The following PREP variants were observed in gnomAD, a reference collection of about 807,000 sequenced individuals.
The protein encoded by PREP is prolyl endopeptidase, also known as dJ355L5.1 (prolyl endopeptidase).
PREP carries 29 observed loss-of-function variants against 87.6 expected under a neutral mutation model. That is an observed-to-expected ratio of 0.33 (90% CI 0.25 to 0.45). PREP has a LOEUF of 0.45. Among genes scored for constraint, PREP ranks in the 20% least tolerant of loss-of-function variants. PREP has a pLI of 1.00. For synonymous variants in PREP, 337 were observed against 328.6 expected, an observed-to-expected ratio of 1.03 and a Z score of -0.28; for missense variants, 695 against 886.5, an observed-to-expected ratio of 0.78 and a Z score of 2.74.
intron 6 of PREP, among the ~76,000 whole-genome samples, chr6:105,367,525 T>A (rs1490760604): frequency 6.6e-6 from 1 of 151,834 alleles, no homozygotes; most frequent in Non-Finnish European, 1.5e-5. Context: ...TACAAAAATA[T>A]GCCGGGCGTA....
intron 2 of PREP, among the ~76,000 whole-genome samples, chr6:105,384,794 T>C (rs1415833384): frequency 6.6e-6 from 1 of 152,222 alleles, no homozygotes; most frequent in Non-Finnish European, 1.5e-5. Flanking sequence ...AAGACCCATC[T>C]TTCTCTGCCA....
chr6:105,277,894 A>G lies in PREP; in HGVS notation c.*250T>C. ...TGTTGCCATTTAGCTATTTATCCCA[A>G]CATGCCCTTAAAAAAAACACCAAAA... On this transcript the variant is annotated 3_prime_UTR_variant, in exon 15 of 15. Transcript: ENST00000652536. 1.8e-6 allele frequency: 1 copy of G among 545,264 alleles called. No individual in the cohort carries two copies. The highest frequency in any genetic ancestry group is 3.2e-6 in the Non-Finnish European group (1 of 309,360). 33.8% of individuals were successfully genotyped at this position (545,264 alleles called of 1,614,324 possible).
At chr6:105,347,883 G>A (rs1210535847) in intron 7 of PREP, among the ~76,000 whole-genome samples, 1 of 151,668 alleles carries the variant, frequency 6.6e-6, no homozygotes, top group Non-Finnish European at 1.5e-5. Context: ...AATAAAATAG[G>A]GTTATAGCAA....
intron 6 of PREP, among the ~76,000 whole-genome samples, chr6:105,361,193 C>A (rs910629894): frequency 6.6e-6 from 1 of 152,078 alleles, no homozygotes; most frequent in African/African-American, 2.4e-5. Context: ...TATTAAGAGA[C>A]AATTAACAGA....
intron 2 of PREP, among the ~76,000 whole-genome samples, chr6:105,393,312 A>G (rs1229356187): frequency 6.6e-6 from 1 of 152,172 alleles, no homozygotes; most frequent in Admixed American, 6.5e-5. Flanking sequence ...TAATTCTGAC[A>G]GTGCCTGGCG....
chr6:105,389,825 A>C (rs1420032627), intron 2 of PREP, among the ~76,000 whole-genome samples: 1 of 152,186 alleles, frequency 6.6e-6, no homozygotes, highest in African/African-American at 2.4e-5. Context: ...ACCGAAATTG[A>C]CACCAGAAAG....
intron 14 of PREP, chr6:105,281,516 G>A (rs895815992): frequency 1.5e-5 from 7 of 452,524 alleles, no homozygotes; most frequent in Non-Finnish European, 2.3e-5. Context: ...TAGGAATCTT[G>A]GGAGGCCATC....
intron 8 of PREP, among the ~76,000 whole-genome samples, chr6:105,329,404 C>T (rs1033030016): frequency 6.6e-6 from 1 of 152,154 alleles, no homozygotes; most frequent in Admixed American, 6.5e-5. Context: ...CTGCCCACCT[C>T]GGCCTCCCAA....
At chr6:105,402,181 C>G (rs992570063) in intron 1 of PREP, among the ~76,000 whole-genome samples, 2 of 152,146 alleles carry the variant, frequency 1.3e-5, no homozygotes, top group African/African-American at 4.8e-5. Flanking sequence ...CTCACCCTCT[C>G]TCAACTCCTT....
At chr6:105,285,055 A>C (rs1214427041) in intron 12 of PREP, among the ~76,000 whole-genome samples, 7 of 152,180 alleles carry the variant, frequency 4.6e-5, no homozygotes, top group Admixed American at 2.6e-4. Context: ...AAGCTCCAAG[A>C]TTGCTCCTTT....
intron 10 of PREP, among the ~76,000 whole-genome samples, chr6:105,320,126 ACTT>A (rs1462400689): frequency 6.6e-6 from 1 of 152,234 alleles, no homozygotes; most frequent in African/African-American, 2.4e-5. Context: ...CAATATTTCA[ACTT>A]CTTTTTAAAA....
At chr6:105,391,392 A>G (rs918690786) in intron 2 of PREP, among the ~76,000 whole-genome samples, 3 of 152,030 alleles carry the variant, frequency 2.0e-5, no homozygotes, top group African/African-American at 7.2e-5. Context: ...AAATAAACAA[A>G]TAAATAAAAT....
chr6:105,312,113 A>C (rs928902012), intron 10 of PREP, among the ~76,000 whole-genome samples: 1 of 152,264 alleles, frequency 6.6e-6, no homozygotes, highest in Non-Finnish European at 1.5e-5. Flanking sequence ...TGTAGGTAGC[A>C]CATATATAAT....
intron 2 of PREP, among the ~76,000 whole-genome samples, chr6:105,389,269 T>A (rs1773079760): frequency 6.6e-6 from 1 of 152,184 alleles, no homozygotes; most frequent in Non-Finnish European, 1.5e-5. Context: ...AATTAATGAA[T>A]ATTACTTTAA....
At chr6:105,383,331 A>G (rs1261872539) in intron 2 of PREP, among the ~76,000 whole-genome samples, 3 of 151,990 alleles carry the variant, frequency 2.0e-5, no homozygotes, top group African/African-American at 4.8e-5. Context: ...CCATCAGACA[A>G]CAAAGGGGGA....
At chr6:105,317,477 T>C (rs1339839618) in intron 10 of PREP, among the ~76,000 whole-genome samples, 1 of 152,214 alleles carries the variant, frequency 6.6e-6, no homozygotes, top group Non-Finnish European at 1.5e-5. Context: ...TGAACTCTAA[T>C]GTACGTGCAA....
intron 7 of PREP, among the ~76,000 whole-genome samples, chr6:105,348,416 A>G (rs1010702033): frequency 1.3e-5 from 2 of 152,188 alleles, no homozygotes; most frequent in African/African-American, 4.8e-5. Context: ...TGTGAGTCCA[A>G]TAGGGACTGC....
intron 7 of PREP, among the ~76,000 whole-genome samples, chr6:105,347,600 C>CCA (rs1161717742): frequency 1.3e-5 from 2 of 152,082 alleles, no homozygotes; most frequent in Non-Finnish European, 2.9e-5. Flanking sequence ...TTTTTAAAGT[C>CCA]CACAGACTTG....
rs142361764 is a variant in PREP, at chr6:105,329,622, A to G, written c.1016-596T>C. On this transcript the variant is annotated intron_variant, in intron 8 of 14. Coordinates refer to ENST00000652536, the MANE Select transcript of PREP (RefSeq NM_002726.5). ...TATTTTGTGCCTATTATCATGCTAT[A>G]GGAGCTATAAGGAGGAAAACAATAA... is the stretch of plus-strand genomic sequence containing the variant. 3.8e-4 allele frequency among the ~76,000 whole-genome samples: 58 copies of G among 152,344 alleles called. 1 individual carries two copies. The East Asian group carries it at 0.011, about 29-fold the overall frequency.
Sources: gnomAD v4.1 joint callset for allele counts (sites outside exome capture counted in the v4.1 genomes callset) on GRCh38, gnomAD v4.1.1 for gene constraint, MANE v1.5 for transcripts, NCBI Gene and HGNC (gene_info 2026-07-23, HGNC 2026-07-21) for gene names.